The following HSPA4 variants were observed in gnomAD, a reference collection of about 807,000 sequenced individuals.
The protein encoded by HSPA4 is heat shock 70 kDa protein 4.
Under a neutral mutation model 106.2 loss-of-function variants are expected in HSPA4, and 25 were observed. The observed-to-expected ratio is 0.24, with a 90% CI of 0.17 to 0.33. The LOEUF (loss-of-function observed/expected upper bound fraction) is 0.33, where lower values mean the gene tolerates loss of function less well. Among genes scored for constraint, HSPA4 ranks in the 10% least tolerant of loss-of-function variants. The pLI is 1.00. For synonymous variants in HSPA4, 332 were observed against 333.6 expected (o/e 1.00, Z 0.05); for missense variants, 841 against 996.0 (o/e 0.84, Z 2.10).
At position 133,096,609 on chromosome 5, in the gene HSPA4, G is replaced by A. The variant is rs566570750; in HGVS notation, c.1803+359G>A. 1.1e-4 allele frequency among the ~76,000 whole-genome samples: 16 copies of A among 152,282 alleles called. No individual in the cohort carries two copies. The South Asian group carries it at 1.2e-3, about 12-fold the overall frequency. On this transcript the variant is annotated intron_variant, in intron 14 of 18. Transcript: ENST00000304858. The stretch of plus-strand genomic sequence containing the variant: ...TGGAAGTTATTCAGTAGGAGAAATC[G>A]TATGGCATTAATGGTGGCAGTATTT...
intron 3 of HSPA4, 75 bp downstream of exon 3, chr5:133,067,632 T>C (rs1179584238): frequency 8.0e-7 from 1 of 1,249,922 alleles, no homozygotes; most frequent in Non-Finnish European, 1.1e-6. Context: ...TATCTGTACT[T>C]TTCTGATGTC....
chr5:133,060,980 C>T (rs1338158223), intron 1 of HSPA4, among the ~76,000 whole-genome samples: 1 of 151,692 alleles, frequency 6.6e-6, no homozygotes, highest in East Asian at 1.9e-4. Context: ...TGGCTAGTGG[C>T]TACTTCATTA....
intron 14 of HSPA4, among the ~76,000 whole-genome samples, 158 bp downstream of exon 14, chr5:133,096,408 T>C (rs901268967): frequency 6.6e-6 from 1 of 152,238 alleles, no homozygotes; most frequent in African/African-American, 2.4e-5. Flanking sequence ...GTTGAAGCAA[T>C]AGATCCCATG....
At chr5:133,083,234 C>T (rs891474426) in intron 7 of HSPA4, among the ~76,000 whole-genome samples, 4 of 151,834 alleles carry the variant, frequency 2.6e-5, no homozygotes, top group African/African-American at 9.7e-5. Flanking sequence ...ATTGCTTGAA[C>T]CTGGGAGGCG....
chr5:133,066,692 T>G (rs1438079437), intron 2 of HSPA4, among the ~76,000 whole-genome samples: 1 of 151,920 alleles, frequency 6.6e-6, no homozygotes, highest in Non-Finnish European at 1.5e-5. Flanking sequence ...TTTTCCCCTT[T>G]ATGAGAAATT....
Position 133,104,566 on chromosome 5 carries a change from G to T in HSPA4, c.*130G>T. 1.3e-6 allele frequency: 1 copy of T among 745,372 alleles called. No individual in the cohort carries two copies. Among genetic ancestry groups the T allele is most frequent in the Non-Finnish European group, 2.2e-6 (1 of 453,894 alleles). The allele number at this position is 745,372 out of a possible 1,614,324, so 46.2% of individuals were successfully genotyped here. On this transcript the variant is annotated 3_prime_UTR_variant, in exon 19 of 19. Transcript: ENST00000304858. Reference sequence around the variant, plus strand: ...AGTTTTTAGGGGATTTTCGGGGAGGGGAAATAGGTAATGTATGGAGCATTT... The same window carrying T: ...AGTTTTTAGGGGATTTTCGGGGAGGTGAAATAGGTAATGTATGGAGCATTT...
At chr5:133,071,907 T>TA (rs910224068) in intron 4 of HSPA4, among the ~76,000 whole-genome samples, 2 of 152,194 alleles carry the variant, frequency 1.3e-5, no homozygotes, top group African/African-American at 4.8e-5. Context: ...CAGTGGCTGA[T>TA]ACACCAGATC....
intron 1 of HSPA4, among the ~76,000 whole-genome samples, chr5:133,053,498 G>A (rs1765111030): frequency 6.6e-6 from 1 of 151,650 alleles, no homozygotes; most frequent in Non-Finnish European, 1.5e-5. Context: ...GCAGGCGTGC[G>A]CCACCATGCT....
chr5:133,082,193 A>G (rs186540052), intron 7 of HSPA4, among the ~76,000 whole-genome samples: 5 of 152,370 alleles, frequency 3.3e-5, no homozygotes, highest in Admixed American at 6.5e-5. Flanking sequence ...GTATGATTCT[A>G]TTTATATGAA....
At chr5:133,053,298 C>T (rs927633497) in intron 1 of HSPA4, among the ~76,000 whole-genome samples, 1 of 137,904 alleles carries the variant, frequency 7.3e-6, no homozygotes, top group South Asian at 2.4e-4. Flanking sequence ...GTAAGAAGTT[C>T]TGTATTATTT....
chr5:133,060,182 A>T, intron 1 of HSPA4, among the ~76,000 whole-genome samples: 1 of 148,710 alleles, frequency 6.7e-6, no homozygotes, highest in African/African-American at 2.5e-5. Context: ...TATAATTTTT[A>T]TTTTTTTCTT....
chr5:133,101,903 T>C (rs59449124), intron 17 of HSPA4, 25 bp downstream of exon 17: 2 of 1,439,102 alleles, frequency 1.4e-6, no homozygotes, highest in African/African-American at 1.5e-5. Context: ...TGTCCTACTC[T>C]TATTTTAGTA....
intron 13 of HSPA4, among the ~76,000 whole-genome samples, chr5:133,095,241 G>T (rs1765695997): frequency 6.6e-6 from 1 of 152,174 alleles, no homozygotes; most frequent in Admixed American, 6.5e-5. Flanking sequence ...GGCAGAGGTT[G>T]CAGTGAGCTC....
At position 133,092,770 on chromosome 5, in the gene HSPA4, C is replaced by A; in HGVS notation, c.1631C>A (p.Ala544Glu). 6.6e-7 allele frequency: 1 copy of A among 1,521,600 alleles called. No homozygotes were observed. The highest frequency in any genetic ancestry group is 9.0e-7 in the Non-Finnish European group (1 of 1,106,338). 94.3% of individuals were successfully genotyped at this position (1,521,600 alleles called of 1,614,324 possible). A position where few individuals can be genotyped will look rare whatever the true frequency, so the allele number is the denominator to read the frequency against. ...CAGCAGACACCAGCAGAAAATAAGG[C>A]AGAGTCTGAAGAAATGGAGGTATGC... ...QQQQTPAENK[A>E]ESEEMETSQA... is the part of the protein sequence containing the mutation. The change falls in exon 13 of 19, where the codon GCA (alanine) becomes GAA (glutamate). Residue 544 changes from alanine (A) to glutamate (E), a missense_variant. Physicochemically the swap from Ala to Glu is moderately radical, Grantham distance 107. Coordinates refer to ENST00000304858, the MANE Select transcript of HSPA4 (RefSeq NM_002154.4).
At chr5:133,054,635 C>T (rs566992137) in intron 1 of HSPA4, among the ~76,000 whole-genome samples, 3 of 152,286 alleles carry the variant, frequency 2.0e-5, no homozygotes, top group Non-Finnish European at 4.4e-5. Context: ...CCCCCAAAGC[C>T]CTGTGCCCTT....
chr5:133,074,782 A>C (rs2126703037), intron 6 of HSPA4, among the ~76,000 whole-genome samples: 2 of 152,324 alleles, frequency 1.3e-5, no homozygotes, highest in Middle Eastern at 6.8e-3. Context: ...GAAGTATAGA[A>C]GGCAAGGAGG....
intron 7 of HSPA4, 23 bp downstream of exon 7, chr5:133,076,921 G>A (rs200431011): frequency 6.4e-7 from 1 of 1,572,456 alleles, no homozygotes. Context: ...CTATTTCGAT[G>A]TTAAAGTGAA....
chr5:133,076,557 CTT>C, intron 6 of HSPA4, 95 bp from the exon 7 acceptor site: 1 of 1,063,332 alleles, frequency 9.4e-7, no homozygotes, highest in South Asian at 1.6e-5. Flanking sequence ...AACCCTCCCT[CTT>C]TTTTTTTAGA....
intron 7 of HSPA4, among the ~76,000 whole-genome samples, chr5:133,085,055 C>A (rs989048247): frequency 2.0e-5 from 3 of 152,128 alleles, no homozygotes; most frequent in African/African-American, 7.2e-5. Context: ...GCCTTAGCTT[C>A]ATGATGTGTT....
Sources: allele counts gnomAD v4.1 joint callset (sites outside exome capture counted in the v4.1 genomes callset), GRCh38; gene constraint gnomAD v4.1.1; transcripts MANE v1.5; gene names NCBI Gene and HGNC (gene_info 2026-07-23, HGNC 2026-07-21).